AQP7B: variants seen among roughly 807,000 people sequenced by gnomAD.
AQP7B encodes putative aquaporin-7B.
At chr2:94,601,720 A>T in the AQP7B span, among the ~76,000 whole-genome samples, 2 of 152,278 alleles carry the variant, frequency 1.3e-5, no homozygotes, top group South Asian at 4.1e-4. Flanking sequence ...TTTGCTGGGA[A>T]GGATGAGACT....
chr2:94,595,398 G>A, the AQP7B span, among the ~76,000 whole-genome samples: 1 of 151,864 alleles, frequency 6.6e-6, no homozygotes, highest in South Asian at 2.1e-4. Flanking sequence ...TCACACCATT[G>A]CACTCCAGCC....
the AQP7B span, among the ~76,000 whole-genome samples, chr2:94,592,812 CTTTTTTTTTTTTT>C: frequency 1.2e-4 from 6 of 51,754 alleles, no homozygotes; most frequent in African/African-American, 3.4e-4. Flanking sequence ...ATTAATTAAG[CTTTTTTTTTTTTT>C]TTTTTTTTTT....
the AQP7B span, among the ~76,000 whole-genome samples, chr2:94,595,306 A>G: frequency 6.6e-6 from 1 of 151,888 alleles, no homozygotes; most frequent in Non-Finnish European, 1.5e-5. Flanking sequence ...ATGGTGGCGG[A>G]CTCCTGTAAT....
the AQP7B span, among the ~76,000 whole-genome samples, chr2:94,596,303 C>T: frequency 1.3e-5 from 2 of 152,208 alleles, no homozygotes; most frequent in African/African-American, 2.4e-5. Flanking sequence ...TGCCACTTAC[C>T]CCAGTGAGCC....
the AQP7B span, among the ~76,000 whole-genome samples, chr2:94,600,540 C>A: frequency 3.3e-5 from 5 of 151,778 alleles, no homozygotes; most frequent in Non-Finnish European, 5.9e-5. Flanking sequence ...AAGACCAGCC[C>A]GGGCAACATA....
chr2:94,589,335 A>T, the AQP7B span, among the ~76,000 whole-genome samples: 1 of 152,028 alleles, frequency 6.6e-6, no homozygotes, highest in South Asian at 2.1e-4. Context: ...TGCTTTCTTC[A>T]AACAAGCTGA....
the AQP7B span, chr2:94,602,749 C>T: frequency 2.7e-5 from 26 of 969,134 alleles, no homozygotes; most frequent in Non-Finnish European, 3.9e-5. Flanking sequence ...AGGAAGTCTC[C>T]TCTGAACCCC....
the AQP7B span, among the ~76,000 whole-genome samples, chr2:94,589,237 G>C: frequency 6.7e-6 from 1 of 150,018 alleles, no homozygotes; most frequent in African/African-American, 2.5e-5. Context: ...TTGAACTCCT[G>C]ACCTCAGGTG....
At chr2:94,604,570 C>A in the AQP7B span, 16 of 1,584,492 alleles carry the variant, frequency 1.0e-5, no homozygotes, top group Middle Eastern at 1.4e-3. Context: ...TAGAGCACTT[C>A]TAAGCAGAGA....
chr2:94,590,672 G>A, the AQP7B span, among the ~76,000 whole-genome samples: 1 of 152,092 alleles, frequency 6.6e-6, no homozygotes, highest in East Asian at 1.9e-4. Context: ...ACCGGGCATG[G>A]TGGCTCACGC....
chr2:94,597,491 C>A, the AQP7B span, among the ~76,000 whole-genome samples: 1 of 152,096 alleles, frequency 6.6e-6, no homozygotes, highest in Non-Finnish European at 1.5e-5. Flanking sequence ...GAAGTAGGTA[C>A]TATTATTATC....
At chr2:94,603,954 C>G in the AQP7B span, 1 of 1,175,514 alleles carries the variant, frequency 8.5e-7, no homozygotes, top group Non-Finnish European at 1.2e-6. Flanking sequence ...CAGGCCCATT[C>G]CTTTGAGTTT....
the AQP7B span, chr2:94,603,519 A>T: frequency 8.1e-6 from 13 of 1,599,616 alleles, no homozygotes; most frequent in African/African-American, 1.2e-4. Context: ...GTCCAGGATG[A>T]GTACCCCTCC....
the AQP7B span, among the ~76,000 whole-genome samples, chr2:94,594,010 C>G: frequency 1.3e-5 from 2 of 152,300 alleles, no homozygotes; most frequent in South Asian, 4.1e-4. Flanking sequence ...ACTCATTCAA[C>G]AAATATTTAT....
the AQP7B span, among the ~76,000 whole-genome samples, chr2:94,589,426 C>T: frequency 6.6e-6 from 1 of 152,136 alleles, no homozygotes; most frequent in Admixed American, 6.5e-5. Flanking sequence ...CATGGCTTTG[C>T]TCCAAGGCCA....
chr2:94,600,178 C>T, the AQP7B span, among the ~76,000 whole-genome samples: 6 of 152,152 alleles, frequency 3.9e-5, no homozygotes, highest in Non-Finnish European at 7.3e-5. Context: ...CCTGGTCTGC[C>T]TTCTTACCCT....
At chr2:94,604,336 T>C in the AQP7B span, 1 of 1,610,810 alleles carries the variant, frequency 6.2e-7, no homozygotes, top group South Asian at 1.1e-5. Flanking sequence ...CACTTCTGGG[T>C]GCCTCTCTAG....
chr2:94,603,991 G>T, the AQP7B span: 10 of 992,628 alleles, frequency 1.0e-5, no homozygotes, highest in Admixed American at 1.3e-4. Flanking sequence ...TGTGTTGAGG[G>T]GTGGGGGGTG....
chr2:94,596,526 C>T, the AQP7B span, among the ~76,000 whole-genome samples: 1 of 152,104 alleles, frequency 6.6e-6, no homozygotes, highest in Non-Finnish European at 1.5e-5. Flanking sequence ...TTAGCCTGAC[C>T]CTGCCACTGA....
Sources: allele counts gnomAD v4.1 joint callset (sites outside exome capture counted in the v4.1 genomes callset), GRCh38; gene constraint gnomAD v4.1.1; transcripts MANE v1.5; gene names NCBI Gene and HGNC (gene_info 2026-07-23, HGNC 2026-07-21).